ZNF343: variants seen among roughly 807,000 people sequenced by gnomAD.
The protein encoded by ZNF343 is zinc finger protein 343.
ZNF343 carries 11 observed loss-of-function variants against 13.8 expected under a neutral mutation model. That is an observed-to-expected ratio of 0.80 (90% CI 0.50 to 1.32). The LOEUF (loss-of-function observed/expected upper bound fraction) is 1.32. ZNF343 is among the 40% of genes most tolerant of loss of function. The pLI, the probability that ZNF343 is intolerant of heterozygous loss-of-function variation, is 0.00. For synonymous variants in ZNF343, 248 were observed against 260.0 expected, an observed-to-expected ratio of 0.95 and a Z score of 0.44; for missense variants, 658 against 714.2, an observed-to-expected ratio of 0.92 and a Z score of 0.90.
At chr20:2,503,493 C>A (rs1295608077) in intron 1 of ZNF343, among the ~76,000 whole-genome samples, 3 of 152,222 alleles carry the variant, frequency 2.0e-5, no homozygotes, top group Non-Finnish European at 4.4e-5. Context: ...TACCCCAAAT[C>A]AACAGAATAT....
At chr20:2,504,721 T>C (rs1418268506) in intron 1 of ZNF343, among the ~76,000 whole-genome samples, 1 of 152,184 alleles carries the variant, frequency 6.6e-6, no homozygotes, top group African/African-American at 2.4e-5. Context: ...TCTCAATAGA[T>C]TCAGAAAAGG....
chr20:2,494,957 G>A (rs1455652349), intron 2 of ZNF343, among the ~76,000 whole-genome samples: 1 of 152,138 alleles, frequency 6.6e-6, no homozygotes, highest in Non-Finnish European at 1.5e-5. Context: ...GTATCCTGAT[G>A]GGCCCAAGTC....
upstream of ZNF343, among the ~76,000 whole-genome samples, chr20:2,510,550 T>C (rs1371621548): frequency 6.6e-6 from 1 of 152,232 alleles, no homozygotes; most frequent in Non-Finnish European, 1.5e-5. Flanking sequence ...ATAGAGAACA[T>C]GGCCCCAAGG....
At chr20:2,497,474 T>C (rs1484763069) in intron 2 of ZNF343, among the ~76,000 whole-genome samples, 1 of 152,130 alleles carries the variant, frequency 6.6e-6, no homozygotes, top group East Asian at 1.9e-4. Flanking sequence ...TGACAAGGTG[T>C]GTCAAGGAGG....
Position 2,508,852 on chromosome 20 carries a change from G to C in ZNF343, c.-237+29C>G, listed in dbSNP as rs551635344. 6.6e-6 allele frequency: 1 copy of C among 152,264 alleles called. No individual in the cohort carries two copies. Among genetic ancestry groups the C allele is most frequent in the Non-Finnish European group, 1.5e-5 (1 of 68,074 alleles). The allele number at this position is 152,264 out of a possible 1,614,324, so 9.4% of individuals were successfully genotyped here. ...TTCCCCACGAGAGAGGGCATCCTGG[G>C]GCCAAGGAGCCGCGGAGGCCGCGCT... On this transcript the variant is annotated intron_variant, in intron 1 of 5. Coordinates refer to ENST00000278772, the MANE Select transcript of ZNF343 (RefSeq NM_024325.6). The surrounding 1 kb of genome is among the most constrained non-coding windows in gnomAD (Gnocchi z 4.5).
Position 2,483,198 on chromosome 20 carries a change from T to C in ZNF343, c.1763A>G (p.His588Arg). The change falls in exon 6 of 6, where the codon CAT becomes CGT. Residue 588 changes from histidine (H) to arginine (R), a missense_variant. His to Arg is a conservative substitution (Grantham distance 29). Transcript: ENST00000278772. Reference protein sequence around the residue: ...VCRECGRGFSHKSNLIRHQRT... With the variant: ...VCRECGRGFSRKSNLIRHQRT... The stretch of plus-strand genomic sequence containing the variant: ...CTGGTGTCTGATGAGATTTGACTTA[T>C]GACTAAAGCCTCGCCCACACTCCCT... 2 of 1,612,560 alleles carry C rather than the reference T, an allele frequency of 1.2e-6. No individual in the cohort carries two copies. The highest frequency in any genetic ancestry group is 2.2e-5 in the South Asian group (2 of 90,860).
chr20:2,496,141 C>T (rs1437698453), intron 2 of ZNF343, among the ~76,000 whole-genome samples: 1 of 152,140 alleles, frequency 6.6e-6, no homozygotes, highest in Non-Finnish European at 1.5e-5. Context: ...GAGATAAGTA[C>T]TGAGGGCACC....
intron 1 of ZNF343, among the ~76,000 whole-genome samples, chr20:2,517,837 G>T (rs962577013): frequency 1.3e-5 from 2 of 151,832 alleles, no homozygotes; most frequent in African/African-American, 4.8e-5. Context: ...AGAATAAATT[G>T]ACATGAAAGT....
chr20:2,517,393 TG>T (rs5839960), intron 1 of ZNF343, among the ~76,000 whole-genome samples: 74,950 of 151,608 alleles, frequency 0.49, 19,642 homozygotes, highest in African/African-American at 0.67. Flanking sequence ...CATATATAGC[TG>T]ATGTATATGT....
chr20:2,522,486 A>G (rs564127532), intron 1 of ZNF343, among the ~76,000 whole-genome samples: 1 of 152,346 alleles, frequency 6.6e-6, no homozygotes, highest in African/African-American at 2.4e-5. Flanking sequence ...TTACAAAAAG[A>G]TTACTTAGTT....
chr20:2,502,585 G>A (rs973859056), intron 1 of ZNF343, among the ~76,000 whole-genome samples: 5 of 152,002 alleles, frequency 3.3e-5, no homozygotes, highest in African/African-American at 1.2e-4. Context: ...ACCCACAAAG[G>A]GAAGCCCATC....
In ZNF343 at chr20:2,493,053, T is replaced by C. The variant is rs116788301; in HGVS notation, c.178-228A>G. 1,054 of 553,256 alleles carry C rather than the reference T, an allele frequency of 1.9e-3. 5 individuals carry two copies. The highest frequency in any genetic ancestry group is 0.018 in the African/African-American group (927 of 51,950). The allele number at this position is 553,256 out of a possible 1,614,324, so 34.3% of individuals were successfully genotyped here. A position where few individuals can be genotyped will look rare whatever the true frequency, so the allele number is the denominator to read the frequency against. On this transcript the variant is annotated intron_variant, in intron 4 of 5. Coordinates refer to ENST00000278772, the MANE Select transcript of ZNF343 (RefSeq NM_024325.6). ...GAACACATTCTAGGCCCTTGACATATATGATTTCACCGGAGAAATGATTTG... is the reference window on the plus strand; with the variant it reads ...GAACACATTCTAGGCCCTTGACATACATGATTTCACCGGAGAAATGATTTG...
intron 2 of ZNF343, among the ~76,000 whole-genome samples, chr20:2,494,458 T>C (rs1224645366): frequency 6.6e-6 from 1 of 151,960 alleles, no homozygotes; most frequent in East Asian, 1.9e-4. Flanking sequence ...CAACCCAAGG[T>C]TCCATCTATA....
At chr20:2,505,476 A>T (rs2085640294) in intron 1 of ZNF343, among the ~76,000 whole-genome samples, 1 of 152,218 alleles carries the variant, frequency 6.6e-6, no homozygotes, top group East Asian at 1.9e-4. Flanking sequence ...ACCAAAAAAC[A>T]GCCCTAAGTC....
At chr20:2,515,823 ACAGGCT>A (rs1243031966) in intron 1 of ZNF343, among the ~76,000 whole-genome samples, 3 of 152,152 alleles carry the variant, frequency 2.0e-5, no homozygotes. Flanking sequence ...AGAGTGAGAG[ACAGGCT>A]CAGGTGATGG....
chr20:2,511,428 T>C (rs1410792744), upstream of ZNF343, among the ~76,000 whole-genome samples: 3 of 152,148 alleles, frequency 2.0e-5, no homozygotes, highest in Non-Finnish European at 4.4e-5. Context: ...CCAATTTCTG[T>C]TTATTCAAAG....
chr20:2,524,890 G>A (rs1018180507), upstream of ZNF343, among the ~76,000 whole-genome samples: 1 of 152,174 alleles, frequency 6.6e-6, no homozygotes, highest in East Asian at 1.9e-4. Flanking sequence ...CACCGCGCCC[G>A]CTGGCTCCCG....
Position 2,490,308 on chromosome 20 carries a change from C to T in ZNF343, c.304+2391G>A, listed in dbSNP as rs114412788. ...AAGGAGTATGTGACACTGACTCCTA[C>T]GGACCCCTGCAGCCCAGAGAAAAGA... On this transcript the variant is annotated intron_variant, in intron 5 of 5. Coordinates refer to ENST00000278772, the MANE Select transcript of ZNF343 (RefSeq NM_024325.6). Among the ~76,000 whole-genome samples the T allele has an allele frequency of 5.4e-3, 818 of 152,114 alleles. 4 individuals are homozygous for T. The highest frequency in any genetic ancestry group is 0.019 in the African/African-American group (779 of 41,492).
intron 1 of ZNF343, among the ~76,000 whole-genome samples, chr20:2,519,880 A>G (rs1166362769): frequency 6.6e-6 from 1 of 152,214 alleles, no homozygotes; most frequent in Non-Finnish European, 1.5e-5. Flanking sequence ...TAAATTGCCT[A>G]GGTTCATCCT....
Sources: gnomAD v4.1 joint callset for allele counts (sites outside exome capture counted in the v4.1 genomes callset) on GRCh38, gnomAD v4.1.1 for gene constraint, Gnocchi (gnomAD v3.1) non-coding constraint, MANE v1.5 for transcripts, NCBI Gene and HGNC (gene_info 2026-07-23, HGNC 2026-07-21) for gene names.